CCND3: variants seen among roughly 807,000 people sequenced by gnomAD.
CCND3 encodes the protein G1/S-specific cyclin-D3.
CCND3 carries 9 observed loss-of-function variants against 28.7 expected under a neutral mutation model. That is an observed-to-expected ratio of 0.31 (90% CI 0.19 to 0.55). CCND3 has a LOEUF of 0.55. Ranked by LOEUF, CCND3 falls within the 20% of genes least tolerant of loss-of-function variation. The pLI is 0.93. For synonymous variants in CCND3, 164 were observed against 163.9 expected (o/e 1.00, Z 0.00); for missense variants, 315 against 385.8 (o/e 0.82, Z 1.54).
At chr6:42,000,233 A>ATTTTTTTTTTTTT (rs1561980601) in intron 1 of CCND3, among the ~76,000 whole-genome samples, 2 of 31,230 alleles carry the variant, frequency 6.4e-5, no homozygotes, top group Non-Finnish European at 1.2e-4. Context: ...TTGAAAACAT[A>ATTTTTTTTTTTTT]CTTTTTTTTT....
At chr6:42,024,573 G>C (rs1463295003) in intron 1 of CCND3, among the ~76,000 whole-genome samples, 1 of 152,126 alleles carries the variant, frequency 6.6e-6, no homozygotes, top group Non-Finnish European at 1.5e-5. Context: ...CACTGGCACT[G>C]TTCAGTAGCA....
At chr6:42,034,777 C>T (rs545618038) in intron 1 of CCND3, among the ~76,000 whole-genome samples, 9 of 152,138 alleles carry the variant, frequency 5.9e-5, no homozygotes, top group East Asian at 1.9e-4. Context: ...TGCGCCTGGC[C>T]GACTCTGTCT....
intron 1 of CCND3, among the ~76,000 whole-genome samples, chr6:41,972,466 C>T (rs1224911960): frequency 6.6e-6 from 1 of 152,032 alleles, no homozygotes; most frequent in Non-Finnish European, 1.5e-5. Flanking sequence ...TTTAGATAGC[C>T]TTGGCTCTGA....
In CCND3 at chr6:41,936,156, C is replaced by T. The variant is rs373093172; in HGVS notation, c.712-49G>A. On this transcript the variant is annotated intron_variant, in intron 4 of 4. Transcript: ENST00000372991. This position sits in a 1 kb window ranked among gnomAD's most constrained non-coding sequence, Gnocchi z 4.4. Reference sequence around the variant, plus strand: ...GGAGCAAACACTCCCCCCATAGCATCTGGCAGCAGGTGCAGGGGAAGGACA... The same window carrying T: ...GGAGCAAACACTCCCCCCATAGCATTTGGCAGCAGGTGCAGGGGAAGGACA... The T allele has an allele frequency of 2.3e-5, 35 of 1,523,306 alleles. No homozygotes were observed. The highest frequency in any genetic ancestry group is 3.0e-5 in the Non-Finnish European group (34 of 1,135,000). The allele number at this position is 1,523,306 out of a possible 1,614,324, so 94.4% of individuals were successfully genotyped here. A position where few individuals can be genotyped will look rare whatever the true frequency, so the allele number is the denominator to read the frequency against.
intron 3 of CCND3, 155 bp downstream of exon 3, chr6:41,937,080 A>T: frequency 2.5e-6 from 2 of 787,870 alleles, no homozygotes; most frequent in Non-Finnish European, 4.2e-6. Context: ...ATAGCTGATT[A>T]TAACCTGCTT....
At chr6:41,978,157 G>C (rs545007630) in intron 1 of CCND3, among the ~76,000 whole-genome samples, 2 of 151,474 alleles carry the variant, frequency 1.3e-5, no homozygotes, top group African/African-American at 4.9e-5. Flanking sequence ...GGTGGATCAC[G>C]AGGTCAGGAG....
Position 41,941,358 on chromosome 6 carries a change from C to G in CCND3, c.198+94G>C. 6.5e-7 allele frequency: 1 copy of G among 1,543,332 alleles called. No homozygotes were observed. Among genetic ancestry groups the G allele is most frequent in the Non-Finnish European group, 8.7e-7 (1 of 1,149,100 alleles). On this transcript the variant is annotated intron_variant, in intron 1 of 4. Coordinates refer to ENST00000372991, the MANE Select transcript of CCND3 (RefSeq NM_001760.5). The surrounding 1 kb of genome is among the most constrained non-coding windows in gnomAD (Gnocchi z 6.1). ...GGAGTCTTAGCCTCGGAGCATCCTG[C>G]AGATTGCTGTGGGGACCGGGATGTC...
intron 1 of CCND3, among the ~76,000 whole-genome samples, chr6:41,967,731 T>C (rs1761926884): frequency 1.3e-5 from 2 of 152,186 alleles, no homozygotes; most frequent in Admixed American, 1.3e-4. Flanking sequence ...TTCTTATCCA[T>C]TGTATCAATT....
intron 1 of CCND3, among the ~76,000 whole-genome samples, chr6:41,996,988 G>T (rs1241679299): frequency 6.6e-6 from 1 of 151,996 alleles, no homozygotes; most frequent in African/African-American, 2.4e-5. Flanking sequence ...ATATCCTGCT[G>T]CCCACCCCCT....
chr6:41,994,339 A>G (rs1230816091), intron 1 of CCND3, among the ~76,000 whole-genome samples: 1 of 151,994 alleles, frequency 6.6e-6, no homozygotes, highest in Non-Finnish European at 1.5e-5. Flanking sequence ...CACAATGACA[A>G]CATCACCTGA....
chr6:42,021,279 C>G (rs2127433147), intron 1 of CCND3, among the ~76,000 whole-genome samples: 1 of 152,352 alleles, frequency 6.6e-6, no homozygotes, highest in South Asian at 2.1e-4. Flanking sequence ...GAGTCTGGTA[C>G]TATCCGCTGT....
At chr6:41,953,989 G>A (rs1278223929) in intron 1 of CCND3, among the ~76,000 whole-genome samples, 1 of 151,850 alleles carries the variant, frequency 6.6e-6, no homozygotes, top group Admixed American at 6.6e-5. Context: ...AGTGGCTCAC[G>A]CCTTTAATCC....
chr6:41,973,738 C>A (rs1052436068), intron 1 of CCND3, among the ~76,000 whole-genome samples: 1 of 152,276 alleles, frequency 6.6e-6, no homozygotes, highest in Middle Eastern at 3.4e-3. Flanking sequence ...TGGTTTAAAT[C>A]CTGGTTCGGT....
At chr6:41,962,759 A>ATT (rs11440956) in intron 1 of CCND3, among the ~76,000 whole-genome samples, 36 of 151,246 alleles carry the variant, frequency 2.4e-4, no homozygotes, top group Admixed American at 2.1e-3. Flanking sequence ...CAAAAAAATA[A>ATT]TTTTTTTTTG....
chr6:42,021,082 C>A (rs1015249498), intron 1 of CCND3, among the ~76,000 whole-genome samples: 1 of 152,154 alleles, frequency 6.6e-6, no homozygotes, highest in Non-Finnish European at 1.5e-5. Flanking sequence ...TTTAGTTACC[C>A]ATCGTGCAGT....
Position 41,936,570 on chromosome 6 carries a change from C to G in CCND3, c.700G>C (p.Gly234Arg). The G allele has an allele frequency of 6.2e-7, 1 of 1,614,150 alleles. No individual in the cohort carries two copies. The highest frequency in any genetic ancestry group is 8.5e-7 in the Non-Finnish European group (1 of 1,180,020). ...TACCCAGCACTCACCACTTCAGTGC[C>G]AGTGATCCCTGCCAGCAGCTCTGTG... ...ELTELLAGIT[G>R]TEVDCLRACQ... The change falls in exon 4 of 5, where the codon GGC becomes CGC. Residue 234 changes from glycine to arginine, a missense_variant. Transcript: ENST00000372991. The surrounding 1 kb of genome is among the most constrained non-coding windows in gnomAD (Gnocchi z 4.4).
upstream of CCND3, among the ~76,000 whole-genome samples, chr6:41,943,165 T>A (rs1393896684): frequency 6.6e-6 from 1 of 151,884 alleles, no homozygotes. Flanking sequence ...CCCGGCCGAA[T>A]TATTCTTTCT....
At chr6:42,031,653 G>C (rs1009910303) in intron 1 of CCND3, among the ~76,000 whole-genome samples, 1 of 151,990 alleles carries the variant, frequency 6.6e-6, no homozygotes, top group Non-Finnish European at 1.5e-5. Flanking sequence ...GCTCCCCCAA[G>C]AAATAACCAC....
rs3218103 is a variant in CCND3, at chr6:41,935,895, G to A, written c.*45C>T. On this transcript the variant is annotated 3_prime_UTR_variant, in exon 5 of 5. Transcript: ENST00000372991. ...TGGAGGCAGGGAGGTGGGTGGCAGC[G>A]GCCCCTCCTCTGCTTAGTGGCCACT... is the stretch of plus-strand genomic sequence containing the variant. 1.3e-4 allele frequency: 202 copies of A among 1,550,730 alleles called. 1 individual carries two copies. Among genetic ancestry groups the A allele is most frequent in the Admixed American group, 4.2e-4 (22 of 52,928 alleles).
Sources: allele counts gnomAD v4.1 joint callset (sites outside exome capture counted in the v4.1 genomes callset), GRCh38; gene constraint gnomAD v4.1.1; non-coding constraint Gnocchi (gnomAD v3.1); transcripts MANE v1.5; gene names NCBI Gene and HGNC (gene_info 2026-07-23, HGNC 2026-07-21).